USP4: variants seen among roughly 807,000 people sequenced by gnomAD.
USP4 encodes ubiquitin carboxyl-terminal hydrolase 4.
Under a neutral mutation model 118.2 loss-of-function variants are expected in USP4, and 72 were observed. The ratio of observed to expected loss-of-function variants is 0.61; its 90% confidence interval spans 0.50 to 0.74. The LOEUF is 0.74. Among genes scored for constraint, USP4 ranks in the 30% least tolerant of loss-of-function variants. The pLI is 0.00. For missense variants in USP4, 1,037 were observed against 1,185.7 expected (o/e 0.87, Z 1.84); for synonymous variants, 415 against 440.4 (o/e 0.94, Z 0.72).
rs146058537 is a variant in USP4 at position 49,282,569 on chromosome 3, G to A, written c.2540+1418C>T. Among the ~76,000 whole-genome samples the A allele has an allele frequency of 8.6e-5, 13 of 151,810 alleles. No homozygotes were observed. In the East Asian group the frequency reaches 2.1e-3, roughly 25 times the overall value. On this transcript the variant is annotated intron_variant, in intron 19 of 21. Coordinates refer to ENST00000265560, the MANE Select transcript of USP4 (RefSeq NM_003363.4). ...TGGGATTACAGGTGTGAGCCACTGC[G>A]CCCAGCCAAGATAAAGAATTTTTAC... is the stretch of plus-strand genomic sequence containing the variant.
intron 2 of USP4, among the ~76,000 whole-genome samples, chr3:49,332,769 C>T (rs1559481869): frequency 6.6e-6 from 1 of 151,624 alleles, no homozygotes; most frequent in African/African-American, 2.4e-5. Flanking sequence ...GTGACTCACA[C>T]CTGTAATCCC....
intron 7 of USP4, 49 bp downstream of exon 7, chr3:49,311,465 T>G (rs761848383): frequency 6.2e-7 from 1 of 1,600,922 alleles, no homozygotes; most frequent in East Asian, 2.2e-5. Flanking sequence ...AGATACAGCC[T>G]GGGAAAGGAC....
chr3:49,305,575 G>T, intron 9 of USP4, 140 bp downstream of exon 9: 1 of 596,880 alleles, frequency 1.7e-6, no homozygotes, highest in Non-Finnish European at 2.6e-6. Context: ...TTTAGATTTT[G>T]GAATGGGGAT....
In USP4 at chr3:49,277,324, A is replaced by C. The variant is rs2046973971; in HGVS notation, c.*969T>G. On this transcript the variant is annotated 3_prime_UTR_variant, in exon 22 of 22. Coordinates refer to ENST00000265560, the MANE Select transcript of USP4 (RefSeq NM_003363.4). ...CGTCCGGTTCCTTAAGGCCTTGCCCACACGCAGCGGCTGGCCCCGCGGTGG... is the reference window on the plus strand; with the variant it reads ...CGTCCGGTTCCTTAAGGCCTTGCCCCCACGCAGCGGCTGGCCCCGCGGTGG... 9.4e-7 allele frequency: 1 copy of C among 1,064,204 alleles called. No homozygotes were observed. Among genetic ancestry groups the C allele is most frequent in the African/African-American group, 1.6e-5 (1 of 60,690 alleles). The allele number at this position is 1,064,204 out of a possible 1,614,324, so 65.9% of individuals were successfully genotyped here. A position where few individuals can be genotyped will look rare whatever the true frequency, so the allele number is the denominator to read the frequency against.
chr3:49,294,313 AG>A, intron 14 of USP4, 93 bp downstream of exon 14: 1 of 1,346,526 alleles, frequency 7.4e-7, no homozygotes, highest in African/African-American at 1.5e-5. Flanking sequence ...GTGAGCATGT[AG>A]GATCAACACA....
Position 49,311,538 on chromosome 3 carries a change from AT to A in USP4, c.811del (p.Met271CysfsTer43). On this transcript the variant is annotated frameshift_variant, in exon 7 of 22. Coordinates refer to ENST00000265560, the MANE Select transcript of USP4 (RefSeq NM_003363.4). LOFTEE classifies it high-confidence loss of function. ...CCCCCTGCTGACACCGGAACTGTGC[AT>A]CCCACAGGTGCTAGTGCTATCACCA... Reference protein sequence around the residue: ...ANGDSTSTCGMHSSGVSRGGS... With the variant: ...ANGDSTSTCGXHSSGVSRGGS... 6.2e-7 allele frequency: 1 copy of A among 1,613,882 alleles called. No individual in the cohort carries two copies.
rs766556176 is a variant in USP4, at chr3:49,305,795, C to T, written c.1048G>A (p.Glu350Lys). 4 of 1,614,142 alleles carry T rather than the reference C, an allele frequency of 2.5e-6. No individual in the cohort carries two copies. The highest frequency in any genetic ancestry group is 2.2e-5 in the South Asian group (2 of 91,060). ...AGTTCAGCATAGGCTTCTGCAATTTCCCCTTTCATCCCCAGAGGGTTGTCT... is the reference window on the plus strand; with the variant it reads ...AGTTCAGCATAGGCTTCTGCAATTTTCCCTTTCATCCCCAGAGGGTTGTCT... ...NRDNPLGMKG[E>K]IAEAYAELIK... Residue 350 changes from glutamate to lysine, a missense_variant, in exon 9 of 22, where the codon GAA becomes AAA. By Grantham distance (56) the Glu-to-Lys change is moderately conservative (BLOSUM62 1). Transcript: ENST00000265560.
chr3:49,324,868 C>CT (rs1360239184), intron 5 of USP4, 26 bp downstream of exon 5: 8 of 1,613,884 alleles, frequency 5.0e-6, no homozygotes, highest in Admixed American at 3.3e-5. Context: ...GAGCTACCTG[C>CT]TGGGGAATGG....
At chr3:49,327,097 G>T (rs2047563761) in intron 3 of USP4, among the ~76,000 whole-genome samples, 1 of 152,168 alleles carries the variant, frequency 6.6e-6, no homozygotes, top group South Asian at 2.1e-4. Context: ...TGCCCCCAGT[G>T]AACTTTCTCT....
At chr3:49,283,008 CTTTT>C (rs71077783) in intron 19 of USP4, among the ~76,000 whole-genome samples, 3 of 78,260 alleles carry the variant, frequency 3.8e-5, no homozygotes, top group Non-Finnish European at 7.4e-5. Context: ...GTGCCGGCCT[CTTTT>C]TTTTTTTTTT....
In USP4 at chr3:49,325,188, C is replaced by T. The variant is rs1174084214; in HGVS notation, c.488-149G>A. The T allele has an allele frequency of 3.1e-5, 30 of 981,972 alleles. No homozygotes were observed. In the East Asian group the frequency reaches 6.7e-4, roughly 22 times the overall value. The allele number at this position is 981,972 out of a possible 1,614,324, so 60.8% of individuals were successfully genotyped here. ...GATACCTCTTAAAATCAATCATCTC[C>T]CATGGGTGGCCTCTTGCACTCATAT... On this transcript the variant is annotated intron_variant, in intron 4 of 21. Transcript: ENST00000265560.
chr3:49,291,820 T>A (rs1332239204), intron 15 of USP4, among the ~76,000 whole-genome samples: 3 of 151,168 alleles, frequency 2.0e-5, no homozygotes, highest in Non-Finnish European at 4.4e-5. Context: ...GTCCTTTTTT[T>A]TTTCTTTTTT....
intron 6 of USP4, among the ~76,000 whole-genome samples, chr3:49,314,764 C>T (rs891730091): frequency 2.6e-5 from 4 of 152,118 alleles, no homozygotes; most frequent in Non-Finnish European, 5.9e-5. Context: ...ATGGCTCATG[C>T]CTGTAATCTT....
intron 8 of USP4, among the ~76,000 whole-genome samples, 183 bp downstream of exon 8, chr3:49,310,437 T>G (rs995601143): frequency 6.6e-6 from 1 of 152,048 alleles, no homozygotes; most frequent in Non-Finnish European, 1.5e-5. Context: ...ACATCTGGGG[T>G]CCACAAACAC....
intron 19 of USP4, among the ~76,000 whole-genome samples, chr3:49,281,908 G>A (rs1371323051): frequency 1.3e-5 from 2 of 151,876 alleles, no homozygotes; most frequent in African/African-American, 4.8e-5. Flanking sequence ...CTACTCAGGA[G>A]GCTGAGGCAG....
rs887379542 is a variant in USP4, at chr3:49,311,931, T to C, written c.696-277A>G. The C allele has an allele frequency of 6.7e-5, 75 of 1,120,802 alleles. No homozygotes were observed. The South Asian group carries it at 1.5e-3, about 22-fold the overall frequency. 69.4% of individuals were successfully genotyped at this position (1,120,802 alleles called of 1,614,324 possible). On this transcript the variant is annotated intron_variant, in intron 6 of 21. Transcript: ENST00000265560. ...GCGCAGTGGCTCGTGCCTGTAATCC[T>C]AGTACTTTGGGAGGCTGAGGCAGGC...
At chr3:49,320,458 A>AGAAAAG (rs2047487203) in intron 6 of USP4, among the ~76,000 whole-genome samples, 1 of 151,572 alleles carries the variant, frequency 6.6e-6, no homozygotes, top group African/African-American at 2.4e-5. Context: ...AAAAAGAAAA[A>AGAAAAG]GAAAAAGAGA....
chr3:49,335,719 T>C (rs1286671353), intron 1 of USP4, 123 bp from the exon 2 acceptor site: 2 of 1,139,024 alleles, frequency 1.8e-6, no homozygotes, highest in African/African-American at 3.1e-5. Flanking sequence ...TAAAAAACAC[T>C]GTCACAAGAG....
chr3:49,324,703 T>G lies in USP4; in HGVS notation c.694A>C (p.Lys232Gln). The change falls in exon 6 of 22, where the codon AAA (lysine) becomes CAA (glutamine). Residue 232 changes from lysine (K) to glutamine (Q), a missense_variant and splice_region_variant. Coordinates refer to ENST00000265560, the MANE Select transcript of USP4 (RefSeq NM_003363.4). Reference sequence around the variant, plus strand: ...ACAAGGGAGAAAAAATTCACTTACTTTGACTGCAAGGTCTGCCTGGGCCAT... The same window carrying G: ...ACAAGGGAGAAAAAATTCACTTACTGTGACTGCAAGGTCTGCCTGGGCCAT... ...GTWPRQTLQS[K>Q]SSTAPSRNFT... The G allele has an allele frequency of 6.2e-7, 1 of 1,614,150 alleles. No homozygotes were observed. Among genetic ancestry groups the G allele is most frequent in the Non-Finnish European group, 8.5e-7 (1 of 1,179,964 alleles).
Sources: gnomAD v4.1 joint callset for allele counts (sites outside exome capture counted in the v4.1 genomes callset) on GRCh38, gnomAD v4.1.1 for gene constraint, MANE v1.5 for transcripts, NCBI Gene and HGNC (gene_info 2026-07-23, HGNC 2026-07-21) for gene names.